RPTOR: variants seen among roughly 807,000 people sequenced by gnomAD.
RPTOR encodes regulatory-associated protein of mTOR.
A neutral mutation model predicts 169.9 loss-of-function variants in RPTOR; 21 were observed. The ratio of observed to expected loss-of-function variants is 0.12; its 90% CI spans 0.09 to 0.18. The LOEUF (loss-of-function observed/expected upper bound fraction) is 0.18. Among genes scored for constraint, RPTOR ranks in the 10% least tolerant of loss-of-function variants. RPTOR has a pLI of 1.00. For synonymous variants in RPTOR, 732 were observed against 753.2 expected, an observed-to-expected ratio of 0.97 and a Z score of 0.46; for missense variants, 1,133 against 1,855.9, an observed-to-expected ratio of 0.61 and a Z score of 7.16.
chr17:80,841,483 G>A (rs537371746), intron 10 of RPTOR, among the ~76,000 whole-genome samples: 3 of 110,168 alleles, frequency 2.7e-5, no homozygotes, highest in Admixed American at 9.1e-5. Flanking sequence ...CACACCACAC[G>A]GCAGCTCACT....
At chr17:80,907,518 T>G (rs2068558247) in intron 20 of RPTOR, among the ~76,000 whole-genome samples, 1 of 152,230 alleles carries the variant, frequency 6.6e-6, no homozygotes, top group South Asian at 2.1e-4. Context: ...CTGCTTCCCT[T>G]CTCGGCCTCT....
chr17:80,686,760 A>T (rs2065951213), intron 3 of RPTOR, among the ~76,000 whole-genome samples: 1 of 152,168 alleles, frequency 6.6e-6, no homozygotes, highest in South Asian at 2.1e-4. Context: ...CAGCTTTGTG[A>T]GAGGATGAGT....
chr17:80,706,408 A>G (rs572129861), intron 3 of RPTOR, among the ~76,000 whole-genome samples: 38 of 152,312 alleles, frequency 2.5e-4, no homozygotes, highest in African/African-American at 9.1e-4. Flanking sequence ...GTTTTCCAGC[A>G]TCCTGCCACC....
chr17:80,828,601 C>T (rs75655914), intron 9 of RPTOR, among the ~76,000 whole-genome samples: 6,389 of 152,304 alleles, frequency 0.042, 482 homozygotes, highest in African/African-American at 0.15. Flanking sequence ...GGTGGCCACC[C>T]ACCTGCCTGC....
chr17:80,810,870 T>C (rs919745880), intron 7 of RPTOR, among the ~76,000 whole-genome samples: 1 of 152,238 alleles, frequency 6.6e-6, no homozygotes, highest in African/African-American at 2.4e-5. Flanking sequence ...TTAATGTCAG[T>C]TTAAAAATTA....
intron 2 of RPTOR, among the ~76,000 whole-genome samples, chr17:80,634,410 G>GCA (rs1443010932): frequency 2.3e-5 from 3 of 130,926 alleles, no homozygotes; most frequent in African/African-American, 5.7e-5. Flanking sequence ...TACCGTGTGT[G>GCA]TGTGCATACC....
At chr17:80,608,839 T>C in intron 1 of RPTOR, among the ~76,000 whole-genome samples, 1 of 152,206 alleles carries the variant, frequency 6.6e-6, no homozygotes, top group Admixed American at 6.5e-5. Context: ...CGGGAACAGG[T>C]GCTTCTGCGC....
intron 24 of RPTOR, among the ~76,000 whole-genome samples, chr17:80,935,861 G>T (rs1488105540): frequency 6.6e-6 from 1 of 152,116 alleles, no homozygotes; most frequent in Non-Finnish European, 1.5e-5. Flanking sequence ...AGAAAAAAAC[G>T]ATAAGTTGGG....
intron 3 of RPTOR, among the ~76,000 whole-genome samples, chr17:80,706,008 C>T (rs750522963): frequency 6.6e-6 from 1 of 152,210 alleles, no homozygotes; most frequent in African/African-American, 2.4e-5. Context: ...CAAACACTTA[C>T]TGGCATTTTT....
rs759796673 is a variant in RPTOR, at chr17:80,880,520, C to T, written c.1584+31C>T. On this transcript the variant is annotated intron_variant, in intron 14 of 33. Transcript: ENST00000306801. ...GACGGGGCAGCACGCTCTCCACGGG[C>T]TTGGGACTCAGCACTCGCCTCTGCC... 6 of 1,604,390 alleles carry T rather than the reference C, an allele frequency of 3.7e-6. No individual in the cohort carries two copies. In the East Asian group the frequency reaches 8.9e-5, roughly 24 times the overall value.
chr17:80,944,122 A>T (rs2069068885), intron 25 of RPTOR, among the ~76,000 whole-genome samples: 1 of 152,224 alleles, frequency 6.6e-6, no homozygotes, highest in African/African-American at 2.4e-5. Context: ...TTTTAGAGTC[A>T]CAAGGGACTT....
chr17:80,907,939 C>T (rs1263597511), intron 20 of RPTOR, among the ~76,000 whole-genome samples: 1 of 152,198 alleles, frequency 6.6e-6, no homozygotes, highest in Non-Finnish European at 1.5e-5. Context: ...CCTGCATCTC[C>T]CTGAGGCCGC....
Position 80,965,846 on chromosome 17 carries a change from T to TC in RPTOR, c.*1519dup, listed in dbSNP as rs2069421374. 1 of 233,206 alleles carries TC rather than the reference T, an allele frequency of 4.3e-6. No homozygotes were observed. Among genetic ancestry groups the TC allele is most frequent in the East Asian group, 6.0e-5 (1 of 16,574 alleles). The allele number at this position is 233,206 out of a possible 1,614,324, so 14.4% of individuals were successfully genotyped here. A position where few individuals can be genotyped will look rare whatever the true frequency, so the allele number is the denominator to read the frequency against. On this transcript the variant is annotated 3_prime_UTR_variant, in exon 34 of 34. Transcript: ENST00000306801. ...CGCTGCTCCTTTTTGGAATGCGAGC[T>TC]CCCACCAGAAGAAGGTTCCGGCACG... is the stretch of plus-strand genomic sequence containing the variant.
chr17:80,949,411 TG>T, intron 27 of RPTOR, 31 bp from the exon 28 acceptor site: 1 of 1,571,704 alleles, frequency 6.4e-7, no homozygotes, highest in Non-Finnish European at 8.8e-7. Flanking sequence ...TCGAGGGGCC[TG>T]GTTCACATCC....
chr17:80,933,208 C>T (rs1392395528), intron 24 of RPTOR, among the ~76,000 whole-genome samples: 3 of 152,200 alleles, frequency 2.0e-5, no homozygotes, highest in Non-Finnish European at 2.9e-5. Context: ...TCACAGATGA[C>T]ATGATCCTGA....
intron 21 of RPTOR, among the ~76,000 whole-genome samples, chr17:80,919,854 A>C (rs1159641028): frequency 1.3e-5 from 2 of 152,122 alleles, no homozygotes; most frequent in Non-Finnish European, 2.9e-5. Context: ...CTCTGGACGC[A>C]GACCTCCCTA....
chr17:80,923,957 C>A, intron 23 of RPTOR: 1 of 439,884 alleles, frequency 2.3e-6, no homozygotes, highest in Non-Finnish European at 4.0e-6. Context: ...TTCTCCGCCC[C>A]TGGTTCTGGT....
rs1317650205 is a variant in RPTOR at position 80,659,497 on chromosome 17, A to T, written c.348+15687A>T. On this transcript the variant is annotated intron_variant, in intron 3 of 33. Coordinates refer to ENST00000306801, the MANE Select transcript of RPTOR (RefSeq NM_020761.3). This position sits in a 1 kb window ranked among gnomAD's most constrained non-coding sequence, Gnocchi z 4.3. ...CAGGTATGCGACACCATACCTGGCT[A>T]ATTTTTATTTTTATTTATTTATTTT... is the stretch of plus-strand genomic sequence containing the variant. 5.3e-5 allele frequency among the ~76,000 whole-genome samples: 8 copies of T among 151,796 alleles called. No individual in the cohort carries two copies. The highest frequency in any genetic ancestry group is 1.2e-4 in the Non-Finnish European group (8 of 67,948).
intron 3 of RPTOR, among the ~76,000 whole-genome samples, chr17:80,701,181 A>G (rs981560420): frequency 6.6e-6 from 1 of 152,122 alleles, no homozygotes; most frequent in Non-Finnish European, 1.5e-5. Context: ...CCTCAGACAC[A>G]CTGATGGATT....
Sources: allele counts gnomAD v4.1 joint callset (sites outside exome capture counted in the v4.1 genomes callset), GRCh38; gene constraint gnomAD v4.1.1; non-coding constraint Gnocchi (gnomAD v3.1); transcripts MANE v1.5; gene names NCBI Gene and HGNC (gene_info 2026-07-23, HGNC 2026-07-21).